Variants in PLPPR4 observed in about 807,000 individuals in gnomAD.
PLPPR4 encodes the protein phospholipid phosphatase related 4.
In PLPPR4, 24 loss-of-function variants were observed where a neutral mutation model predicts 56.6. That is an observed-to-expected ratio of 0.42 (90% CI 0.31 to 0.60). The LOEUF is 0.60. Ranked by LOEUF, PLPPR4 falls within the 20% of genes least tolerant of loss-of-function variation. The pLI, the probability that PLPPR4 is intolerant of heterozygous loss-of-function variation, is 0.13. For synonymous variants in PLPPR4, 326 were observed against 328.1 expected (o/e 0.99, Z 0.07); for missense variants, 654 against 885.8 (o/e 0.74, Z 3.32).
At chr1:99,276,028 G>A (rs552011200) in intron 1 of PLPPR4, among the ~76,000 whole-genome samples, 3 of 152,272 alleles carry the variant, frequency 2.0e-5, no homozygotes, top group South Asian at 4.1e-4. Context: ...GCATTAAAAT[G>A]TTAGAAAATA....
chr1:99,286,498 A>G (rs1400052235), intron 1 of PLPPR4, among the ~76,000 whole-genome samples: 2 of 152,182 alleles, frequency 1.3e-5, no homozygotes, highest in Admixed American at 1.3e-4. Context: ...TTAAATTGGC[A>G]AGGTAATTTC....
intron 1 of PLPPR4, among the ~76,000 whole-genome samples, chr1:99,284,387 C>G (rs1257768145): frequency 6.6e-6 from 1 of 151,816 alleles, no homozygotes; most frequent in Non-Finnish European, 1.5e-5. Flanking sequence ...CTATTACAAA[C>G]AAAATGATGT....
intron 2 of PLPPR4, among the ~76,000 whole-genome samples, chr1:99,293,093 T>C (rs1211092218): frequency 6.6e-6 from 1 of 152,048 alleles, no homozygotes; most frequent in Non-Finnish European, 1.5e-5. Flanking sequence ...CAAAAGGACT[T>C]GTGTGAGGAG....
intron 4 of PLPPR4, among the ~76,000 whole-genome samples, chr1:99,300,447 A>G (rs1397498244): frequency 6.6e-6 from 1 of 152,054 alleles, no homozygotes; most frequent in East Asian, 1.9e-4. Context: ...AACAAAACAC[A>G]TTTAGATCCA....
chr1:99,282,541 A>G (rs908745450), intron 1 of PLPPR4, among the ~76,000 whole-genome samples: 32 of 152,290 alleles, frequency 2.1e-4, no homozygotes, highest in Non-Finnish European at 4.6e-4. Context: ...TTTTTACCCT[A>G]TTCCTACTTT....
At chr1:99,267,565 T>C (rs985690463) in intron 1 of PLPPR4, among the ~76,000 whole-genome samples, 12 of 152,232 alleles carry the variant, frequency 7.9e-5, no homozygotes, top group African/African-American at 2.9e-4. Context: ...GAATATTGAA[T>C]ATATTATGAG....
intron 2 of PLPPR4, among the ~76,000 whole-genome samples, chr1:99,288,485 TTTAG>T (rs1425965723): frequency 3.1e-5 from 4 of 130,446 alleles, no homozygotes; most frequent in Admixed American, 9.0e-5. Context: ...CATGTGTTTA[TTTAG>T]TATCTGAAGC....
At chr1:99,296,594 CT>C (rs1267897170) in intron 2 of PLPPR4, 143 bp from the exon 3 acceptor site, 2 of 575,726 alleles carry the variant, frequency 3.5e-6, no homozygotes, top group Non-Finnish European at 5.5e-6. Flanking sequence ...GAAGAAATTG[CT>C]GTGCCTCTAC....
chr1:99,299,259 A>T (rs750928928), intron 4 of PLPPR4, 29 bp downstream of exon 4: 1 of 1,532,000 alleles, frequency 6.5e-7, no homozygotes, highest in Non-Finnish European at 9.0e-7. Flanking sequence ...AACACTCTGC[A>T]TCATTGTTTT....
Position 99,307,903 on chromosome 1 carries a change from A to T in PLPPR4, c.*893A>T, listed in dbSNP as rs1660077148. 1 of 152,148 alleles carries T rather than the reference A, an allele frequency of 6.6e-6. No homozygotes were observed. The highest frequency in any genetic ancestry group is 2.4e-5 in the African/African-American group (1 of 41,452). 9.4% of individuals were successfully genotyped at this position (152,148 alleles called of 1,614,324 possible). ...TCTATGGCTTCTCCTTAACTTATTGATTAATTTTTTGAAGTTATAGATATG... is the reference window on the plus strand; with the variant it reads ...TCTATGGCTTCTCCTTAACTTATTGTTTAATTTTTTGAAGTTATAGATATG... On this transcript the variant is annotated 3_prime_UTR_variant, in exon 7 of 7. Transcript: ENST00000370185.
intron 1 of PLPPR4, among the ~76,000 whole-genome samples, chr1:99,284,909 A>AT (rs1487444615): frequency 3.3e-5 from 5 of 152,210 alleles, no homozygotes; most frequent in Non-Finnish European, 7.3e-5. Context: ...TTTGGGAAGC[A>AT]AAGCAAAAGA....
At position 99,307,647 on chromosome 1, in the gene PLPPR4, GT is replaced by G. The variant is rs1238804010; in HGVS notation, c.*642del. ...TCTGTCACAGTCAAAAAATGAAAAGGTTTTTGTGCGTTTCTTCAAAATTCTG... is the reference window on the plus strand; with the variant it reads ...TCTGTCACAGTCAAAAAATGAAAAGGTTTTGTGCGTTTCTTCAAAATTCTG... On this transcript the variant is annotated 3_prime_UTR_variant, in exon 7 of 7. Coordinates refer to ENST00000370185, the MANE Select transcript of PLPPR4 (RefSeq NM_014839.5). 2 of 152,124 alleles carry G rather than the reference GT, an allele frequency of 1.3e-5. No individual in the cohort carries two copies. Among genetic ancestry groups the G allele is most frequent in the African/African-American group, 4.8e-5 (2 of 41,434 alleles). The allele number at this position is 152,124 out of a possible 1,614,324, so 9.4% of individuals were successfully genotyped here.
At chr1:99,264,992 A>G (rs1450109246) in intron 1 of PLPPR4, among the ~76,000 whole-genome samples, 1 of 152,240 alleles carries the variant, frequency 6.6e-6, no homozygotes, top group Admixed American at 6.5e-5. Flanking sequence ...CTAGTGCCCC[A>G]GAGGGGCCAT....
intron 1 of PLPPR4, among the ~76,000 whole-genome samples, chr1:99,281,991 T>C (rs1659338901): frequency 6.6e-6 from 1 of 152,192 alleles, no homozygotes; most frequent in South Asian, 2.1e-4. Context: ...TATGATAGTG[T>C]TGTTCCCCAA....
intron 1 of PLPPR4, among the ~76,000 whole-genome samples, chr1:99,276,693 A>T (rs983250194): frequency 1.3e-5 from 2 of 152,186 alleles, no homozygotes; most frequent in Non-Finnish European, 2.9e-5. Flanking sequence ...AGTTCAAGAT[A>T]GTTTAGTAAG....
chr1:99,274,799 G>C (rs902953811), intron 1 of PLPPR4, among the ~76,000 whole-genome samples: 1 of 152,096 alleles, frequency 6.6e-6, no homozygotes, highest in South Asian at 2.1e-4. Flanking sequence ...TAATCTGTAA[G>C]CCACTGCCAT....
intron 2 of PLPPR4, among the ~76,000 whole-genome samples, chr1:99,291,711 G>C (rs1405062323): frequency 1.3e-5 from 2 of 152,098 alleles, no homozygotes; most frequent in Admixed American, 1.3e-4. Flanking sequence ...TTCATAACTG[G>C]GAGTTGAACA....
At chr1:99,300,554 GT>G (rs761043223) in intron 4 of PLPPR4, among the ~76,000 whole-genome samples, 2 of 151,964 alleles carry the variant, frequency 1.3e-5, no homozygotes, top group Non-Finnish European at 2.9e-5. Flanking sequence ...AAACCCCTAG[GT>G]TTTATGAGCT....
In PLPPR4 at chr1:99,307,034, G is replaced by C. The variant is rs371021923; in HGVS notation, c.*24G>C. 2 of 1,557,614 alleles carry C rather than the reference G, an allele frequency of 1.3e-6. No homozygotes were observed. Among genetic ancestry groups the C allele is most frequent in the Middle Eastern group, 1.7e-4 (1 of 5,800 alleles). On this transcript the variant is annotated 3_prime_UTR_variant, in exon 7 of 7. Coordinates refer to ENST00000370185, the MANE Select transcript of PLPPR4 (RefSeq NM_014839.5). ...GAGTGATGTCCATTCCATCATTAGG[G>C]CTACTCGCAAAAGACCATATGTTGA...
Sources: gnomAD v4.1 joint callset for allele counts (sites outside exome capture counted in the v4.1 genomes callset) on GRCh38, gnomAD v4.1.1 for gene constraint, MANE v1.5 for transcripts, NCBI Gene and HGNC (gene_info 2026-07-23, HGNC 2026-07-21) for gene names.